Variants in BIK observed in about 807,000 individuals in gnomAD.
BIK encodes the protein BCL2 interacting killer.
BIK carries 14 observed loss-of-function variants against 12.1 expected under a neutral mutation model. The observed-to-expected ratio is 1.16, with a 90% CI of 0.77 to 1.81. The LOEUF (loss-of-function observed/expected upper bound fraction) is 1.81. BIK is among the 40% of genes most tolerant of loss of function. The pLI is 0.00. For synonymous variants in BIK, 86 were observed against 92.3 expected (o/e 0.93, Z 0.39); for missense variants, 215 against 207.9 (o/e 1.03, Z -0.21).
rs41304435 is a variant in BIK at position 43,128,576 on chromosome 22, T to C, written c.341T>C (p.Leu114Pro). 260 of 1,613,992 alleles carry C rather than the reference T, an allele frequency of 1.6e-4. No individual in the cohort carries two copies. Among genetic ancestry groups the C allele is most frequent in the Non-Finnish European group, 2.0e-4 (240 of 1,179,892 alleles). Reference protein sequence around the residue: ...LRSFMDGFTTLKENIMRFWRS... With the variant: ...LRSFMDGFTTPKENIMRFWRS... ...AGTTTCATGGACGGTTTCACCACAC[T>C]TAAGGAGAACATAATGAGGTTCTGG... The change falls in exon 4 of 5, where the codon CTT (leucine) becomes CCT (proline). Residue 114 changes from leucine (L) to proline (P), a missense_variant. Coordinates refer to ENST00000216115, the MANE Select transcript of BIK (RefSeq NM_001197.5).
At chr22:43,123,869 G>T in intron 1 of BIK, 147 bp from the exon 2 acceptor site, 1 of 772,094 alleles carries the variant, frequency 1.3e-6, no homozygotes. Flanking sequence ...TCATGCCTGT[G>T]GGAGCTGGGG....
chr22:43,125,600 G>A (rs1930298944), intron 2 of BIK, among the ~76,000 whole-genome samples: 2 of 151,790 alleles, frequency 1.3e-5, no homozygotes, highest in South Asian at 2.1e-4. Context: ...GGCGCTGGTA[G>A]TCCCAGCTAC....
At chr22:43,128,390 GCA>G (rs1228804433) in intron 3 of BIK, 104 bp from the exon 4 acceptor site, 16 of 1,432,024 alleles carry the variant, frequency 1.1e-5, no homozygotes, top group Admixed American at 1.8e-5. Flanking sequence ...GGGTGGGAGG[GCA>G]CAGGCCCCTG....
intron 2 of BIK, among the ~76,000 whole-genome samples, chr22:43,126,746 C>CT (rs777614893): frequency 1.1e-4 from 16 of 151,986 alleles, no homozygotes; most frequent in Non-Finnish European, 2.1e-4. Context: ...GATTTTAGAA[C>CT]TGGAGGCACC....
intron 1 of BIK, among the ~76,000 whole-genome samples, chr22:43,122,550 A>G (rs529773462): frequency 2.4e-4 from 37 of 152,248 alleles, no homozygotes; most frequent in African/African-American, 8.9e-4. Flanking sequence ...CATTATCGTC[A>G]TCTACATCTA....
chr22:43,126,579 A>G (rs1324857524), intron 2 of BIK, among the ~76,000 whole-genome samples: 2 of 152,260 alleles, frequency 1.3e-5, no homozygotes, highest in East Asian at 3.9e-4. Flanking sequence ...TGAGCCTGGA[A>G]GAGAATGGTC....
Position 43,123,067 on chromosome 22 carries a change from G to A in BIK, c.-7-949G>A, listed in dbSNP as rs192314338. ...GGGTTCTATCAGCAAGGAGCCAGGT[G>A]GAATGGATATCGGAGAGGTAAATAG... On this transcript the variant is annotated intron_variant, in intron 1 of 4. Coordinates refer to ENST00000216115, the MANE Select transcript of BIK (RefSeq NM_001197.5). 1.3e-4 allele frequency among the ~76,000 whole-genome samples: 20 copies of A among 152,322 alleles called. 1 individual carries two copies. The East Asian group carries it at 3.1e-3, about 23-fold the overall frequency.
In BIK at chr22:43,127,711, T is replaced by C; in HGVS notation, c.176T>C (p.Leu59Pro). The part of the protein sequence containing the change: ...ECMEGSDALA[L>P]RLACIGDEMD... ...GCTCCCTGCAGTGACGCATTGGCCCTGCGGCTGGCCTGCATCGGGGACGAG... is the reference window on the plus strand; with the variant it reads ...GCTCCCTGCAGTGACGCATTGGCCCCGCGGCTGGCCTGCATCGGGGACGAG... The change falls in exon 3 of 5, where the codon CTG becomes CCG. Residue 59 changes from leucine to proline, a missense_variant. Physicochemically the swap from Leu to Pro is moderately conservative, Grantham distance 98. Transcript: ENST00000216115. The C allele has an allele frequency of 1.3e-6, 2 of 1,555,110 alleles. No individual in the cohort carries two copies. Among genetic ancestry groups the C allele is most frequent in the Non-Finnish European group, 1.7e-6 (2 of 1,149,836 alleles).
At chr22:43,119,990 T>G (rs1432660097) in intron 1 of BIK, among the ~76,000 whole-genome samples, 1 of 152,020 alleles carries the variant, frequency 6.6e-6, no homozygotes, top group Non-Finnish European at 1.5e-5. Flanking sequence ...ATAATAAAAT[T>G]TAATTTTTAA....
chr22:43,118,266 C>T (rs1930156281), intron 1 of BIK, among the ~76,000 whole-genome samples: 1 of 152,188 alleles, frequency 6.6e-6, no homozygotes, highest in Non-Finnish European at 1.5e-5. Flanking sequence ...GCAACATGTT[C>T]AGTCCACCGT....
intron 1 of BIK, among the ~76,000 whole-genome samples, chr22:43,114,048 G>T (rs1057435562): frequency 1.1e-4 from 17 of 152,274 alleles, no homozygotes; most frequent in East Asian, 3.9e-4. Flanking sequence ...TAAGTTCCTT[G>T]TTGGCCCCGA....
chr22:43,128,600 G>A lies in BIK; in HGVS notation c.365G>A (p.Trp122Ter). 1 of 1,612,896 alleles carries A rather than the reference G, an allele frequency of 6.2e-7. No individual in the cohort carries two copies. Among genetic ancestry groups the A allele is most frequent in the Non-Finnish European group, 8.5e-7 (1 of 1,179,198 alleles). ...CTTAAGGAGAACATAATGAGGTTCT[G>A]GAGATCCCCGAACCCCGGGTCCTGG... ...TTLKENIMRF[W>*]RSPNPGSWVS... The change falls in exon 4 of 5, where the codon TGG becomes TAG. Residue 122 changes from tryptophan (W) to a stop codon, truncating the protein, a stop_gained. Transcript: ENST00000216115. LOFTEE classifies it low-confidence loss of function (END_TRUNC).
intron 1 of BIK, among the ~76,000 whole-genome samples, chr22:43,117,645 C>T (rs548884936): frequency 1.3e-5 from 2 of 152,020 alleles, no homozygotes; most frequent in East Asian, 1.9e-4. Flanking sequence ...GCTGGGATTA[C>T]AGGCGTGAGC....
At chr22:43,115,885 T>C (rs1012813602) in intron 1 of BIK, among the ~76,000 whole-genome samples, 6 of 152,042 alleles carry the variant, frequency 3.9e-5, no homozygotes, top group Non-Finnish European at 8.8e-5. Context: ...GTCTCCCGAG[T>C]AGCTTGGACT....
At chr22:43,124,658 G>A (rs1047449866) in intron 2 of BIK, among the ~76,000 whole-genome samples, 16 of 152,332 alleles carry the variant, frequency 1.1e-4, no homozygotes, top group Non-Finnish European at 2.2e-4. Context: ...TAGGGAGGCT[G>A]AGGCAGGCGG....
At chr22:43,127,374 G>T (rs1930337342) in intron 2 of BIK, among the ~76,000 whole-genome samples, 1 of 152,114 alleles carries the variant, frequency 6.6e-6, no homozygotes, top group South Asian at 2.1e-4. Context: ...AGCCATCCGG[G>T]GGCTCAGCAC....
At chr22:43,113,160 C>A (rs928816064) in intron 1 of BIK, among the ~76,000 whole-genome samples, 3 of 152,108 alleles carry the variant, frequency 2.0e-5, no homozygotes, top group Non-Finnish European at 4.4e-5. Flanking sequence ...GCGGAGATCA[C>A]ACCATGGCAC....
chr22:43,126,406 C>T (rs1236972720), intron 2 of BIK, among the ~76,000 whole-genome samples: 2 of 152,096 alleles, frequency 1.3e-5, no homozygotes, highest in Admixed American at 6.6e-5. Flanking sequence ...AGGATGGTCT[C>T]GATCTCCTGA....
intron 3 of BIK, among the ~76,000 whole-genome samples, 189 bp downstream of exon 3, chr22:43,127,984 G>A (rs1053913728): frequency 1.3e-5 from 2 of 152,104 alleles, no homozygotes; most frequent in African/African-American, 2.4e-5. Flanking sequence ...CCTGGCACTC[G>A]CCCCCTGCCA....
Sources: gnomAD v4.1 joint callset for allele counts (sites outside exome capture counted in the v4.1 genomes callset) on GRCh38, gnomAD v4.1.1 for gene constraint, MANE v1.5 for transcripts, NCBI Gene and HGNC (gene_info 2026-07-23, HGNC 2026-07-21) for gene names.